The following CRPPA variants were observed in gnomAD, a reference collection of about 807,000 sequenced individuals.
The protein encoded by CRPPA is D-ribitol-5-phosphate cytidylyltransferase.
A neutral mutation model predicts 52.0 loss-of-function variants in CRPPA; 43 were observed. The ratio of observed to expected loss-of-function variants is 0.83; its 90% confidence interval spans 0.65 to 1.07. The LOEUF (loss-of-function observed/expected upper bound fraction) is 1.07, where lower values mean the gene tolerates loss of function less well. Ranked by LOEUF, CRPPA falls within the 50% of genes least tolerant of loss-of-function variation. The probability of loss-of-function intolerance (pLI) is 0.00; values close to 1 mark genes in which losing one functional copy is unlikely to be tolerated. For missense variants in CRPPA, 629 were observed against 551.7 expected (o/e 1.14, Z -1.40); for synonymous variants, 250 against 203.5 (o/e 1.23, Z -1.94).
At chr7:16,153,733 G>A (rs1279082929) in intron 9 of CRPPA, among the ~76,000 whole-genome samples, 3 of 151,894 alleles carry the variant, frequency 2.0e-5, no homozygotes. Context: ...ATATCATGAG[G>A]TCCATTTTAC....
intron 9 of CRPPA, among the ~76,000 whole-genome samples, chr7:16,093,838 G>C (rs1408057200): frequency 6.6e-6 from 1 of 152,122 alleles, no homozygotes; most frequent in Non-Finnish European, 1.5e-5. Flanking sequence ...TTATAGTGCT[G>C]CAGGGTCTAT....
chr7:16,363,777 C>T (rs1467538399), intron 3 of CRPPA, among the ~76,000 whole-genome samples: 1 of 151,994 alleles, frequency 6.6e-6, no homozygotes, highest in Non-Finnish European at 1.5e-5. Context: ...GGGAAAAAAA[C>T]ACAAATATGT....
rs1489598171 is a variant in CRPPA, at chr7:16,211,370, T to C, written c.1251+4696A>G. The stretch of plus-strand genomic sequence containing the variant: ...TGAAAAATATCTGGTCTCATAAACA[T>C]TCCCACATCAAAAAAGCCTGATTAC... On this transcript the variant is annotated intron_variant, in intron 9 of 9. Coordinates refer to ENST00000407010, the MANE Select transcript of CRPPA (RefSeq NM_001101426.4). Among the ~76,000 whole-genome samples, 11 of 152,332 alleles carry C rather than the reference T, an allele frequency of 7.2e-5. No homozygotes were observed. The South Asian group carries it at 1.9e-3, about 26-fold the overall frequency.
intron 9 of CRPPA, among the ~76,000 whole-genome samples, chr7:16,103,854 A>G (rs1170783797): frequency 6.6e-6 from 1 of 152,216 alleles, no homozygotes; most frequent in Non-Finnish European, 1.5e-5. Flanking sequence ...TGTCAGTAGA[A>G]TAATATTGAT....
At chr7:16,179,363 C>T (rs902496875) in intron 9 of CRPPA, among the ~76,000 whole-genome samples, 14 of 152,014 alleles carry the variant, frequency 9.2e-5, no homozygotes, top group Admixed American at 4.6e-4. Context: ...AATGTTGTCA[C>T]GCACAGCAAA....
At chr7:16,289,058 G>A (rs1225733885) in intron 5 of CRPPA, among the ~76,000 whole-genome samples, 1 of 151,962 alleles carries the variant, frequency 6.6e-6, no homozygotes. Context: ...AGAGGATGAT[G>A]AGAAATTATT....
At chr7:16,130,755 G>A (rs974296284) in intron 9 of CRPPA, among the ~76,000 whole-genome samples, 1 of 152,202 alleles carries the variant, frequency 6.6e-6, no homozygotes, top group Non-Finnish European at 1.5e-5. Flanking sequence ...GGGCTTTAAA[G>A]ATGATGAAGT....
At chr7:16,145,965 A>G (rs930985793) in intron 9 of CRPPA, among the ~76,000 whole-genome samples, 1 of 152,156 alleles carries the variant, frequency 6.6e-6, no homozygotes, top group Non-Finnish European at 1.5e-5. Flanking sequence ...CAGCTCTTCA[A>G]TGTAAAAAGA....
At chr7:16,377,197 C>T (rs774918008) in intron 2 of CRPPA, among the ~76,000 whole-genome samples, 6 of 152,018 alleles carry the variant, frequency 3.9e-5, no homozygotes, top group East Asian at 3.9e-4. Context: ...GCCAAAGAGA[C>T]GGTTTATAAA....
intron 6 of CRPPA, among the ~76,000 whole-genome samples, chr7:16,271,144 A>G (rs900607454): frequency 2.0e-5 from 3 of 152,206 alleles, no homozygotes; most frequent in Non-Finnish European, 4.4e-5. Flanking sequence ...GGAAACAGGA[A>G]GGAGTGGATA....
chr7:16,107,780 A>G (rs918675424), intron 9 of CRPPA, among the ~76,000 whole-genome samples: 1 of 152,156 alleles, frequency 6.6e-6, no homozygotes, highest in African/African-American at 2.4e-5. Context: ...GAGAGTTTAA[A>G]AAAACACTAC....
At chr7:16,331,618 C>T (rs1785554548) in intron 3 of CRPPA, among the ~76,000 whole-genome samples, 1 of 152,044 alleles carries the variant, frequency 6.6e-6, no homozygotes, top group African/African-American at 2.4e-5. Context: ...AGACAGGATG[C>T]AAGAAGATGG....
chr7:16,165,038 A>G (rs1208549914), intron 9 of CRPPA, among the ~76,000 whole-genome samples: 1 of 152,082 alleles, frequency 6.6e-6, no homozygotes, highest in Non-Finnish European at 1.5e-5. Flanking sequence ...GTGCTGGGAG[A>G]TCCGCTGCTA....
chr7:16,155,041 C>T (rs1473747468), intron 9 of CRPPA, among the ~76,000 whole-genome samples: 1 of 148,418 alleles, frequency 6.7e-6, no homozygotes, highest in East Asian at 2.0e-4. Context: ...CTGTCTTCAA[C>T]TCCTGACCTC....
intron 9 of CRPPA, among the ~76,000 whole-genome samples, chr7:16,122,816 G>T (rs1341522051): frequency 6.6e-6 from 1 of 152,028 alleles, no homozygotes; most frequent in Admixed American, 6.6e-5. Context: ...AAGCCGGAGG[G>T]CTTGCTCTTC....
intron 9 of CRPPA, among the ~76,000 whole-genome samples, chr7:16,210,887 A>G (rs1782117147): frequency 6.6e-6 from 1 of 152,198 alleles, no homozygotes; most frequent in Admixed American, 6.5e-5. Context: ...ATACTGTCAG[A>G]TAGAAATAAA....
chr7:16,169,717 T>C (rs115985304), intron 9 of CRPPA, among the ~76,000 whole-genome samples: 37 of 152,346 alleles, frequency 2.4e-4, no homozygotes, highest in African/African-American at 8.9e-4. Context: ...ACCATTTCAC[T>C]AGTGCCTCTC....
At position 16,376,095 on chromosome 7, in the gene CRPPA, C is replaced by A. The variant is rs1326598253; in HGVS notation, c.681G>T (p.Gln227His). 6.3e-7 allele frequency: 1 copy of A among 1,580,262 alleles called. No homozygotes were observed. The change falls in exon 3 of 10, where the codon CAG (glutamine) becomes CAT (histidine). Residue 227 changes from glutamine (Q) to histidine (H), a missense_variant. Gln to His is a conservative substitution (Grantham distance 24). Coordinates refer to ENST00000407010, the MANE Select transcript of CRPPA (RefSeq NM_001101426.4). ...FLFDVIYEAYQQCSDYDLEFG... is the reference protein window; with the variant it reads ...FLFDVIYEAYHQCSDYDLEFG... The stretch of plus-strand genomic sequence containing the variant: ...TTCAAAAAGCCCAAATTCTTACCTG[C>A]TGATATGCTTCATAAATCACATCAA...
At chr7:16,361,559 C>G (rs754216700) in intron 3 of CRPPA, among the ~76,000 whole-genome samples, 9 of 152,086 alleles carry the variant, frequency 5.9e-5, no homozygotes, top group African/African-American at 1.2e-4. Context: ...GACACATGTT[C>G]CAACACAGAT....
Sources: allele counts gnomAD v4.1 joint callset (sites outside exome capture counted in the v4.1 genomes callset), GRCh38; gene constraint gnomAD v4.1.1; transcripts MANE v1.5; gene names NCBI Gene and HGNC (gene_info 2026-07-23, HGNC 2026-07-21).